Variants in CSMD1 observed in about 807,000 individuals in gnomAD.
CSMD1 encodes CUB and sushi domain-containing protein 1.
In CSMD1, 213 loss-of-function variants were observed where a neutral mutation model predicts 417.5. The observed-to-expected ratio is 0.51, with a 90% CI of 0.46 to 0.57. The LOEUF (loss-of-function observed/expected upper bound fraction) is 0.57. CSMD1 is among the 20% of genes least tolerant of loss of function. The pLI is 0.00. For missense variants in CSMD1, 6,923 were observed against 4,529.7 expected (o/e 1.53, Z -15.17); for synonymous variants, 2,862 against 1,736.8 (o/e 1.65, Z -16.11).
At chr8:4,749,760 C>A (rs1242626140) in intron 1 of CSMD1, among the ~76,000 whole-genome samples, 1 of 152,070 alleles carries the variant, frequency 6.6e-6, no homozygotes, top group African/African-American at 2.4e-5. Context: ...TATACACCAT[C>A]TAGATGCATT....
At chr8:3,104,198 C>T (rs868086814) in intron 46 of CSMD1, among the ~76,000 whole-genome samples, 5 of 152,124 alleles carry the variant, frequency 3.3e-5, no homozygotes. Context: ...GAAGGTTTGC[C>T]TGGGTTCATT....
At chr8:4,028,568 G>C (rs941601268) in intron 4 of CSMD1, among the ~76,000 whole-genome samples, 2 of 152,226 alleles carry the variant, frequency 1.3e-5, no homozygotes, top group African/African-American at 4.8e-5. Context: ...CATACTGAAG[G>C]AAATAATATA....
At chr8:3,153,145 C>A (rs531685202) in intron 39 of CSMD1, among the ~76,000 whole-genome samples, 1 of 152,262 alleles carries the variant, frequency 6.6e-6, no homozygotes, top group South Asian at 2.1e-4. Flanking sequence ...CTAAACCCAC[C>A]AAAGCCAAGA....
rs956665606 is a variant in CSMD1, at chr8:2,937,955, C to T, written c.*630G>A. The T allele has an allele frequency of 2.0e-5, 3 of 152,644 alleles. No homozygotes were observed. The highest frequency in any genetic ancestry group is 6.5e-5 in the Admixed American group (1 of 15,282). 9.5% of individuals were successfully genotyped at this position (152,644 alleles called of 1,614,324 possible). A position where few individuals can be genotyped will look rare whatever the true frequency, so the allele number is the denominator to read the frequency against. On this transcript the variant is annotated 3_prime_UTR_variant, in exon 70 of 70. Transcript: ENST00000635120. Reference sequence around the variant, plus strand: ...TGCAAAAAATTGTGCATTAAACATTCTGCGACAGAACAGCTGACTGGGAAA... The same window carrying T: ...TGCAAAAAATTGTGCATTAAACATTTTGCGACAGAACAGCTGACTGGGAAA...
At chr8:4,215,711 C>G (rs1379429330) in intron 3 of CSMD1, among the ~76,000 whole-genome samples, 1 of 152,042 alleles carries the variant, frequency 6.6e-6, no homozygotes, top group Non-Finnish European at 1.5e-5. Flanking sequence ...CTTTAAAACT[C>G]AAATGTACAT....
intron 49 of CSMD1, among the ~76,000 whole-genome samples, chr8:3,077,839 G>A (rs1011244227): frequency 2.6e-5 from 4 of 152,326 alleles, no homozygotes; most frequent in African/African-American, 2.4e-5. Context: ...AGTGTCAGCT[G>A]GTATCTTAAA....
Position 3,281,199 on chromosome 8 carries a change from T to G in CSMD1, c.4153+2945A>C, listed in dbSNP as rs539060216. Among the ~76,000 whole-genome samples the G allele has an allele frequency of 4.6e-5, 7 of 152,132 alleles. No homozygotes were observed. The East Asian group carries it at 1.4e-3, about 29-fold the overall frequency. On this transcript the variant is annotated intron_variant, in intron 26 of 69. Coordinates refer to ENST00000635120, the MANE Select transcript of CSMD1 (RefSeq NM_033225.6). Reference sequence around the variant, plus strand: ...GGCTCACGCCTGTAATCCCAGCACTTTGGGAGGCTGAGGCAGGTGGATCAC... The same window carrying G: ...GGCTCACGCCTGTAATCCCAGCACTGTGGGAGGCTGAGGCAGGTGGATCAC...
chr8:3,562,529 C>G (rs1799515376), intron 10 of CSMD1, among the ~76,000 whole-genome samples: 2 of 152,036 alleles, frequency 1.3e-5, no homozygotes, highest in Admixed American at 1.3e-4. Flanking sequence ...TTTATTTTAG[C>G]CTGCTTGGCA....
At chr8:3,401,541 A>G (rs1334128314) in intron 15 of CSMD1, among the ~76,000 whole-genome samples, 1 of 152,324 alleles carries the variant, frequency 6.6e-6, no homozygotes, top group South Asian at 2.1e-4. Flanking sequence ...GTAAGTAAAT[A>G]GTAAGTAATA....
intron 3 of CSMD1, among the ~76,000 whole-genome samples, chr8:4,121,984 T>G (rs1254063641): frequency 6.6e-6 from 1 of 152,054 alleles, no homozygotes; most frequent in Non-Finnish European, 1.5e-5. Flanking sequence ...TGTATAGATT[T>G]ACTAAAATAT....
chr8:4,894,862 G>A (rs141870219), intron 1 of CSMD1, among the ~76,000 whole-genome samples: 1 of 152,168 alleles, frequency 6.6e-6, no homozygotes, highest in African/African-American at 2.4e-5. Context: ...TTCTCTGTGT[G>A]ACTTTATATG....
chr8:3,935,464 G>C (rs982296471), intron 5 of CSMD1, among the ~76,000 whole-genome samples: 2 of 152,108 alleles, frequency 1.3e-5, no homozygotes, highest in South Asian at 2.1e-4. Context: ...CATTAAACAG[G>C]TCTATTGGTG....
chr8:4,734,830 C>A (rs138209179), intron 1 of CSMD1, among the ~76,000 whole-genome samples: 4 of 152,210 alleles, frequency 2.6e-5, no homozygotes, highest in African/African-American at 9.6e-5. Flanking sequence ...TCAGTCTTGG[C>A]TCTGTGGACT....
intron 3 of CSMD1, among the ~76,000 whole-genome samples, chr8:4,399,655 A>G (rs907975379): frequency 3.9e-5 from 6 of 152,092 alleles, no homozygotes; most frequent in Admixed American, 2.0e-4. Flanking sequence ...CAATCAGCAC[A>G]TATTGTAGTC....
At chr8:4,766,371 G>A (rs1487826546) in intron 1 of CSMD1, among the ~76,000 whole-genome samples, 1 of 152,166 alleles carries the variant, frequency 6.6e-6, no homozygotes, top group African/African-American at 2.4e-5. Context: ...GAAGAAATTA[G>A]GTTTGTGGAT....
rs761002221 is a variant in CSMD1 at position 4,090,047 on chromosome 8, T to C, written c.416-57948A>G. Among the ~76,000 whole-genome samples the C allele has an allele frequency of 5.3e-5, 8 of 152,250 alleles. 1 individual carries two copies. The highest frequency in any genetic ancestry group is 8.8e-5 in the Non-Finnish European group (6 of 68,048). ...AATTATATTTGATATTGATTTATCA[T>C]AGGACATGTAAATTTTCGAATGAGC... On this transcript the variant is annotated intron_variant, in intron 3 of 69. Transcript: ENST00000635120.
rs182027711 is a variant in CSMD1 at position 4,889,190 on chromosome 8, T to C, written c.85+105142A>G. Among the ~76,000 whole-genome samples the C allele has an allele frequency of 1.3e-3, 200 of 152,200 alleles. 1 individual carries two copies. In the Middle Eastern group the frequency reaches 0.058, roughly 44 times the overall value. On this transcript the variant is annotated intron_variant, in intron 1 of 69. Transcript: ENST00000635120. The stretch of plus-strand genomic sequence containing the variant: ...TTAAGGTGGAGAATACTGACAGACA[T>C]GCCCCAACCAAGTGTCAAAGCTGGT...
chr8:4,426,227 A>G (rs1245547709), intron 2 of CSMD1, among the ~76,000 whole-genome samples: 2 of 151,960 alleles, frequency 1.3e-5, no homozygotes, highest in African/African-American at 2.4e-5. Context: ...TAGTTACCGG[A>G]CAAGTTTTCC....
intron 20 of CSMD1, among the ~76,000 whole-genome samples, chr8:3,363,719 G>A (rs1209288495): frequency 6.6e-6 from 1 of 152,086 alleles, no homozygotes; most frequent in Non-Finnish European, 1.5e-5. Context: ...CATATGTAAT[G>A]GCACAAAGTG....
Sources: gnomAD v4.1 joint callset for allele counts (sites outside exome capture counted in the v4.1 genomes callset) on GRCh38, gnomAD v4.1.1 for gene constraint, MANE v1.5 for transcripts, NCBI Gene and HGNC (gene_info 2026-07-23, HGNC 2026-07-21) for gene names.